Variants in ELMO1 observed in about 807,000 individuals in gnomAD.
ELMO1 encodes the protein engulfment and cell motility protein 1.
ELMO1 carries 26 observed loss-of-function variants against 98.9 expected under a neutral mutation model. The observed-to-expected ratio is 0.26, with a 90% CI of 0.19 to 0.36. The LOEUF is 0.36. ELMO1 is among the 10% of genes least tolerant of loss of function. The probability of loss-of-function intolerance (pLI) is 1.00; values close to 1 mark genes in which losing one functional copy is unlikely to be tolerated. For synonymous variants in ELMO1, 346 were observed against 346.0 expected, an observed-to-expected ratio of 1.00 and a Z score of 0.00; for missense variants, 627 against 935.2, an observed-to-expected ratio of 0.67 and a Z score of 4.30.
chr7:37,287,765 A>G (rs989997458), intron 4 of ELMO1, among the ~76,000 whole-genome samples: 1 of 152,190 alleles, frequency 6.6e-6, no homozygotes, highest in Non-Finnish European at 1.5e-5. Flanking sequence ...ACTGTGATGC[A>G]GCCCTAGTCA....
chr7:37,365,355 CCGAGCT>C (rs1432878455), intron 1 of ELMO1, among the ~76,000 whole-genome samples: 2 of 152,182 alleles, frequency 1.3e-5, no homozygotes, highest in Non-Finnish European at 2.9e-5. Flanking sequence ...CCAGGAGCTT[CCGAGCT>C]CCACAGAGTC....
intron 1 of ELMO1, among the ~76,000 whole-genome samples, chr7:37,399,781 T>A (rs768768266): frequency 3.3e-5 from 5 of 152,206 alleles, no homozygotes; most frequent in Non-Finnish European, 4.4e-5. Context: ...ATTTCCTGTA[T>A]AATTTCAATC....
intron 14 of ELMO1, among the ~76,000 whole-genome samples, chr7:37,109,969 T>C (rs1400717545): frequency 1.3e-5 from 2 of 152,276 alleles, no homozygotes; most frequent in African/African-American, 4.8e-5. Context: ...GCCACAGCAA[T>C]GAACGCTCGT....
chr7:36,856,892 C>T (rs1213922749), intron 21 of ELMO1, among the ~76,000 whole-genome samples: 2 of 152,248 alleles, frequency 1.3e-5, no homozygotes, highest in Non-Finnish European at 2.9e-5. Flanking sequence ...TTCTGCCTCA[C>T]TAGTTCAAGC....
intron 2 of ELMO1, among the ~76,000 whole-genome samples, chr7:37,320,100 A>C (rs1194177332): frequency 1.3e-5 from 2 of 151,838 alleles, no homozygotes; most frequent in African/African-American, 4.8e-5. Flanking sequence ...ACTAAAATAC[A>C]AAAAAAATAA....
At chr7:37,254,973 A>G (rs561538138) in intron 6 of ELMO1, among the ~76,000 whole-genome samples, 3 of 152,264 alleles carry the variant, frequency 2.0e-5, no homozygotes, top group African/African-American at 7.2e-5. Flanking sequence ...GCAGGTGGAG[A>G]TGTGTCATAA....
intron 16 of ELMO1, among the ~76,000 whole-genome samples, chr7:36,928,331 G>A (rs781404150): frequency 6.6e-5 from 10 of 152,060 alleles, no homozygotes; most frequent in African/African-American, 1.7e-4. Context: ...GGGCCTTGAC[G>A]GCAATGCTTA....
At chr7:37,267,299 G>A (rs757796947) in intron 5 of ELMO1, among the ~76,000 whole-genome samples, 14 of 152,064 alleles carry the variant, frequency 9.2e-5, no homozygotes, top group South Asian at 2.1e-4. Flanking sequence ...TCGGCAGCAC[G>A]TATCACATTC....
intron 13 of ELMO1, among the ~76,000 whole-genome samples, chr7:37,153,546 T>C (rs1788507614): frequency 6.6e-6 from 1 of 152,152 alleles, no homozygotes; most frequent in African/African-American, 2.4e-5. Flanking sequence ...CACAGCAATC[T>C]AAGATCAACC....
chr7:37,355,777 T>A (rs1330050770), intron 1 of ELMO1, among the ~76,000 whole-genome samples: 1 of 152,220 alleles, frequency 6.6e-6, no homozygotes, highest in Non-Finnish European at 1.5e-5. Context: ...ACTCAACTTG[T>A]TCTAAATCCT....
intron 4 of ELMO1, among the ~76,000 whole-genome samples, chr7:37,283,443 C>A (rs934174875): frequency 1.3e-5 from 2 of 152,236 alleles, no homozygotes; most frequent in African/African-American, 2.4e-5. Flanking sequence ...ACTAAAAGCT[C>A]AGGGTAGAAC....
intron 16 of ELMO1, among the ~76,000 whole-genome samples, chr7:36,949,529 G>T (rs1456945192): frequency 6.6e-6 from 1 of 151,932 alleles, no homozygotes; most frequent in African/African-American, 2.4e-5. Context: ...ACTCGGTCTA[G>T]GCCAGGGTTC....
chr7:37,442,937 A>C (rs1805467995), intron 1 of ELMO1, among the ~76,000 whole-genome samples: 1 of 152,214 alleles, frequency 6.6e-6, no homozygotes, highest in Non-Finnish European at 1.5e-5. Context: ...ACGAGTCAGA[A>C]AAGTTGGGTT....
chr7:37,295,192 A>C (rs771622701), intron 4 of ELMO1, among the ~76,000 whole-genome samples: 1 of 152,214 alleles, frequency 6.6e-6, no homozygotes, highest in Non-Finnish European at 1.5e-5. Flanking sequence ...TCAGGCTACT[A>C]CTTACCTCTG....
intron 19 of ELMO1, among the ~76,000 whole-genome samples, chr7:36,874,737 G>C (rs1803801715): frequency 6.6e-6 from 1 of 152,198 alleles, no homozygotes; most frequent in Non-Finnish European, 1.5e-5. Flanking sequence ...GGGAGGCAGT[G>C]AGGAACCCAG....
intron 16 of ELMO1, among the ~76,000 whole-genome samples, chr7:36,951,798 T>C (rs1787987209): frequency 6.6e-6 from 1 of 152,264 alleles, no homozygotes; most frequent in Non-Finnish European, 1.5e-5. Flanking sequence ...GTTTTGCTTT[T>C]ACATGTCTTC....
At chr7:37,435,030 C>A (rs1463603038) in intron 1 of ELMO1, 1 of 152,200 alleles carries the variant, frequency 6.6e-6, no homozygotes, top group Non-Finnish European at 1.5e-5. Context: ...AGGAGGCTCA[C>A]CATTGTTTAT....
rs375189467 is a variant in ELMO1 at position 37,332,765 on chromosome 7, G to C, written c.78+9848C>G. 7.9e-5 allele frequency among the ~76,000 whole-genome samples: 12 copies of C among 152,330 alleles called. No individual in the cohort carries two copies. The East Asian group carries it at 1.5e-3, about 20-fold the overall frequency. On this transcript the variant is annotated intron_variant, in intron 2 of 21. Transcript: ENST00000310758. Reference sequence around the variant, plus strand: ...GGCAGTGCACTGGCAAGAGCTGGGGGCAGGGGGCCCTGCCAACACAGCAAG... The same window carrying C: ...GGCAGTGCACTGGCAAGAGCTGGGGCCAGGGGGCCCTGCCAACACAGCAAG...
At chr7:37,165,769 G>C (rs923175912) in intron 13 of ELMO1, among the ~76,000 whole-genome samples, 19 of 152,130 alleles carry the variant, frequency 1.2e-4, no homozygotes, top group Admixed American at 3.9e-4. Flanking sequence ...TTGCATCAAT[G>C]TTCATCAAGG....
Sources: allele counts gnomAD v4.1 joint callset (sites outside exome capture counted in the v4.1 genomes callset), GRCh38; gene constraint gnomAD v4.1.1; transcripts MANE v1.5; gene names NCBI Gene and HGNC (gene_info 2026-07-23, HGNC 2026-07-21).